The following TRPM6 variants were observed in gnomAD, a reference collection of about 807,000 sequenced individuals.
TRPM6 encodes the protein channel kinase 2.
A neutral mutation model predicts 247.6 loss-of-function variants in TRPM6; 111 were observed. That is an observed-to-expected ratio of 0.45 (90% CI 0.38 to 0.52). The LOEUF (loss-of-function observed/expected upper bound fraction) is 0.52, where lower values mean the gene tolerates loss of function less well. Among genes scored for constraint, TRPM6 ranks in the 20% least tolerant of loss-of-function variants. The pLI, the probability that TRPM6 is intolerant of heterozygous loss-of-function variation, is 0.00. For missense variants in TRPM6, 2,126 were observed against 2,421.5 expected, an observed-to-expected ratio of 0.88 and a Z score of 2.56; for synonymous variants, 892 against 853.8, an observed-to-expected ratio of 1.04 and a Z score of -0.78.
chr9:74,878,232 T>C (rs1345877496), intron 1 of TRPM6, among the ~76,000 whole-genome samples: 13 of 152,072 alleles, frequency 8.5e-5, no homozygotes. Flanking sequence ...CCACACCCAC[T>C]GTCCAGGGGC....
chr9:74,860,166 C>A lies in TRPM6; in HGVS notation c.34-1418G>T, dbSNP rs1481472730. Among the ~76,000 whole-genome samples, 3 of 152,072 alleles carry A rather than the reference C, an allele frequency of 2.0e-5. 1 individual carries two copies. The highest frequency in any genetic ancestry group is 4.4e-5 in the Non-Finnish European group (3 of 68,006). On this transcript the variant is annotated intron_variant, in intron 1 of 38. Transcript: ENST00000360774. ...TGTGTATTTAAATCTTACCTATAAA[C>A]AAGGAAAACTTCCCAGATCAAGGCC...
At chr9:74,751,809 A>G (rs751203136) in intron 29 of TRPM6, among the ~76,000 whole-genome samples, 3 of 152,180 alleles carry the variant, frequency 2.0e-5, no homozygotes, top group Admixed American at 6.5e-5. Context: ...GGGACTCACT[A>G]CTTCCAGAAA....
At position 74,785,738 on chromosome 9, in the gene TRPM6, T is replaced by C. The variant is rs533659347; in HGVS notation, c.2919+136A>G. ...CGGGGTTTCACCCTGTTAGCCAGGATGTTCTTGATCTCCTGACCTTGTGAT... is the reference window on the plus strand; with the variant it reads ...CGGGGTTTCACCCTGTTAGCCAGGACGTTCTTGATCTCCTGACCTTGTGAT... On this transcript the variant is annotated intron_variant, in intron 21 of 38. Transcript: ENST00000360774. 1,183 of 945,880 alleles carry C rather than the reference T, an allele frequency of 1.3e-3. 2 individuals carry two copies. Among genetic ancestry groups the C allele is most frequent in the Middle Eastern group, 7.8e-3 (24 of 3,066 alleles). The allele number at this position is 945,880 out of a possible 1,614,324, so 58.6% of individuals were successfully genotyped here. A position where few individuals can be genotyped will look rare whatever the true frequency, so the allele number is the denominator to read the frequency against.
rs77226854 is a variant in TRPM6, at chr9:74,749,690, T to A, written c.5057+974A>T. Among the ~76,000 whole-genome samples the A allele has an allele frequency of 2.4e-3, 373 of 152,360 alleles. 7 individuals carry two copies. In the East Asian group the frequency reaches 0.052, roughly 21 times the overall value. On this transcript the variant is annotated intron_variant, in intron 30 of 38. Coordinates refer to ENST00000360774, the MANE Select transcript of TRPM6 (RefSeq NM_017662.5). ...ATACATTCAAATAATATCTTCAGCA[T>A]TTAAGGTCCTTAAGAAAGAAAGTAC... is the stretch of plus-strand genomic sequence containing the variant.
At position 74,775,988 on chromosome 9, in the gene TRPM6, A is replaced by T. The variant is rs1191888295; in HGVS notation, c.3298T>A (p.Trp1100Arg). The change falls in exon 24 of 39, where the codon TGG becomes AGG. Residue 1100 changes from tryptophan to arginine, a missense_variant. Around this residue, in one of 3 missense-constraint regions of TRPM6, gnomAD observed 717 missense variants for 715.9 expected, o/e 1.00. Coordinates refer to ENST00000360774, the MANE Select transcript of TRPM6 (RefSeq NM_017662.5). ...AGCAGGATGAGAGGTGGGGGCAGCC[A>T]GGGCTTCTCGTGGTAGGTCATGATG... Reference protein sequence around the residue: ...RYIMTYHEKPWLPPPLILLSH... With the variant: ...RYIMTYHEKPRLPPPLILLSH... The T allele has an allele frequency of 6.2e-7, 1 of 1,614,156 alleles. No individual in the cohort carries two copies. Among genetic ancestry groups the T allele is most frequent in the South Asian group, 1.1e-5 (1 of 91,080 alleles).
At chr9:74,861,894 A>G (rs916403422) in intron 1 of TRPM6, among the ~76,000 whole-genome samples, 2 of 151,994 alleles carry the variant, frequency 1.3e-5, no homozygotes, top group African/African-American at 4.8e-5. Context: ...TCCAACTCCT[A>G]TAGGCCCCAT....
intron 27 of TRPM6, among the ~76,000 whole-genome samples, chr9:74,759,288 C>T (rs1291089571): frequency 7.5e-6 from 1 of 133,752 alleles, no homozygotes; most frequent in African/African-American, 2.8e-5. Flanking sequence ...ATGCAAAGAA[C>T]ACAAAATAGC....
intron 37 of TRPM6, among the ~76,000 whole-genome samples, chr9:74,728,585 C>G (rs768435396): frequency 6.6e-6 from 1 of 152,150 alleles, no homozygotes; most frequent in Non-Finnish European, 1.5e-5. Flanking sequence ...GGCATTTCAA[C>G]GCTAATCTGA....
rs1261429198 is a variant in TRPM6 at position 74,771,816 on chromosome 9, C to T, written c.3423G>A (p.Glu1141=). Residue 1141 remains glutamate, a synonymous_variant, in exon 25 of 39, where the codon GAG becomes GAA. Coordinates refer to ENST00000360774, the MANE Select transcript of TRPM6 (RefSeq NM_017662.5). ...CAAAATCATGAAGTTTTTTCAGATCCTCCTTACTGAGGTAGAGTTCTATAG... is the reference window on the plus strand; with the variant it reads ...CAAAATCATGAAGTTTTTTCAGATCTTCCTTACTGAGGTAGAGTTCTATAG... The part of the protein sequence containing the change: ...DVGLKLYLSK[E]DLKKLHDFEE... 1.2e-6 allele frequency: 2 copies of T among 1,613,668 alleles called. No homozygotes were observed. The highest frequency in any genetic ancestry group is 1.7e-6 in the Non-Finnish European group (2 of 1,179,816).
chr9:74,820,010 T>G (rs900456327), intron 9 of TRPM6, among the ~76,000 whole-genome samples: 19 of 151,904 alleles, frequency 1.3e-4, no homozygotes, highest in Non-Finnish European at 2.6e-4. Flanking sequence ...TTAAATAATT[T>G]TACTTTATTT....
At position 74,801,671 on chromosome 9, in the gene TRPM6, G is replaced by A. The variant is rs143054482; in HGVS notation, c.2009+227C>T. ...TCTGGTCAACTGACTTGTCTAATTAGTCAACAGCTGGACTAGAACCCAAGT... is the reference window on the plus strand; with the variant it reads ...TCTGGTCAACTGACTTGTCTAATTAATCAACAGCTGGACTAGAACCCAAGT... On this transcript the variant is annotated intron_variant, in intron 16 of 38. Coordinates refer to ENST00000360774, the MANE Select transcript of TRPM6 (RefSeq NM_017662.5). 7.2e-5 allele frequency among the ~76,000 whole-genome samples: 11 copies of A among 152,276 alleles called. No homozygotes were observed. The East Asian group carries it at 2.1e-3, about 29-fold the overall frequency.
chr9:74,799,014 T>C (rs1828203791), intron 17 of TRPM6, among the ~76,000 whole-genome samples: 1 of 152,192 alleles, frequency 6.6e-6, no homozygotes, highest in South Asian at 2.1e-4. Flanking sequence ...TCCCTGAACA[T>C]TGAACTTATG....
intron 23 of TRPM6, among the ~76,000 whole-genome samples, chr9:74,779,862 A>C (rs59038499): frequency 0.015 from 2,219 of 152,272 alleles, 50 homozygotes; most frequent in African/African-American, 0.051. Context: ...TCAGGGGAAG[A>C]CTAGTGTGAT....
At chr9:74,724,893 A>C in intron 38 of TRPM6, 147 bp from the exon 39 acceptor site, 3 of 1,049,606 alleles carry the variant, frequency 2.9e-6, no homozygotes, top group Non-Finnish European at 2.8e-6. Context: ...ACCCTCAACC[A>C]TGTCTAGATT....
intron 27 of TRPM6, among the ~76,000 whole-genome samples, chr9:74,756,092 T>C (rs1826420969): frequency 6.6e-6 from 1 of 152,216 alleles, no homozygotes; most frequent in Non-Finnish European, 1.5e-5. Context: ...AAATCCAAGC[T>C]TGAATTATTG....
chr9:74,875,104 C>G (rs1306498304), intron 1 of TRPM6: 1 of 359,220 alleles, frequency 2.8e-6, no homozygotes, highest in African/African-American at 2.1e-5. Flanking sequence ...ATCTTAGCCT[C>G]TTCCAGTTGC....
intron 1 of TRPM6, among the ~76,000 whole-genome samples, chr9:74,879,431 C>T (rs1044447580): frequency 6.6e-6 from 1 of 151,880 alleles, no homozygotes; most frequent in African/African-American, 2.4e-5. Context: ...TTAATAACTC[C>T]CATATCCTTT....
At chr9:74,749,533 C>T (rs1246846392) in intron 30 of TRPM6, among the ~76,000 whole-genome samples, 1 of 152,172 alleles carries the variant, frequency 6.6e-6, no homozygotes, top group Non-Finnish European at 1.5e-5. Context: ...CTGTGAATGT[C>T]TCTGGACAAG....
chr9:74,819,759 G>A (rs954616120), intron 9 of TRPM6, among the ~76,000 whole-genome samples: 6 of 152,276 alleles, frequency 3.9e-5, no homozygotes, highest in Admixed American at 2.6e-4. Flanking sequence ...ACATGGAGCT[G>A]TTCCTTTACC....
Sources: gnomAD v4.1 joint callset for allele counts (sites outside exome capture counted in the v4.1 genomes callset) on GRCh38, gnomAD v4.1.1 for gene constraint, gnomAD v4.1.1 regional missense constraint, MANE v1.5 for transcripts, NCBI Gene and HGNC (gene_info 2026-07-23, HGNC 2026-07-21) for gene names.